GALNT13: variants seen among roughly 807,000 people sequenced by gnomAD.
The protein encoded by GALNT13 is UDP-GalNAc:polypeptide N-acetylgalactosaminyltransferase 13.
A neutral mutation model predicts 64.2 loss-of-function variants in GALNT13; 28 were observed. The observed-to-expected ratio is 0.44, with a 90% CI of 0.32 to 0.60. The LOEUF (loss-of-function observed/expected upper bound fraction) is 0.60, where lower values mean the gene tolerates loss of function less well. GALNT13 is among the 20% of genes least tolerant of loss of function. The pLI is 0.05. For missense variants in GALNT13, 577 were observed against 669.8 expected (o/e 0.86, Z 1.53); for synonymous variants, 214 against 224.6 (o/e 0.95, Z 0.42).
At chr2:153,655,482 G>A in the GALNT13 span, among the ~76,000 whole-genome samples, 58 of 152,056 alleles carry the variant, frequency 3.8e-4, 1 homozygote, top group Non-Finnish European at 7.2e-4. Flanking sequence ...TAAAATGAGA[G>A]ATACATGTAT....
At chr2:153,276,706 C>G in the GALNT13 span, among the ~76,000 whole-genome samples, 2 of 7,136 alleles carry the variant, frequency 2.8e-4, no homozygotes, top group South Asian at 2.8e-3. Context: ...ATTGAATATC[C>G]CCCTCTTATA....
chr2:153,595,909 A>C, the GALNT13 span, among the ~76,000 whole-genome samples: 24 of 152,328 alleles, frequency 1.6e-4, no homozygotes, highest in Middle Eastern at 3.4e-3. Context: ...AAGTGGTATA[A>C]ATATTTAATG....
chr2:153,249,555 G>C, the GALNT13 span, among the ~76,000 whole-genome samples: 1 of 152,052 alleles, frequency 6.6e-6, no homozygotes, highest in Non-Finnish European at 1.5e-5. Context: ...CCAAAAAAGA[G>C]CCCATATAAC....
At chr2:154,350,333 G>A (rs1004852134) in intron 9 of GALNT13, among the ~76,000 whole-genome samples, 1 of 152,206 alleles carries the variant, frequency 6.6e-6, no homozygotes, top group Non-Finnish European at 1.5e-5. Context: ...AAAGCAGGCA[G>A]AAGAACGTGG....
At chr2:153,599,840 A>G in the GALNT13 span, among the ~76,000 whole-genome samples, 1 of 151,994 alleles carries the variant, frequency 6.6e-6, no homozygotes, top group South Asian at 2.1e-4. Flanking sequence ...CATAAATCAC[A>G]TGTAAATAAA....
At chr2:153,527,671 TAG>T in the GALNT13 span, among the ~76,000 whole-genome samples, 1 of 152,206 alleles carries the variant, frequency 6.6e-6, no homozygotes, top group African/African-American at 2.4e-5. Flanking sequence ...CTACCCTAAG[TAG>T]AAAGACTAAA....
At chr2:153,234,226 G>A in the GALNT13 span, among the ~76,000 whole-genome samples, 17 of 152,278 alleles carry the variant, frequency 1.1e-4, no homozygotes, top group East Asian at 3.1e-3. Flanking sequence ...CTGAAGCCCA[G>A]CCCAGGAGAT....
intron 9 of GALNT13, among the ~76,000 whole-genome samples, chr2:154,339,504 A>G (rs1695636555): frequency 6.6e-6 from 1 of 152,168 alleles, no homozygotes; most frequent in Admixed American, 6.6e-5. Flanking sequence ...TATTTGAAGT[A>G]TACTCGTTAT....
the GALNT13 span, chr2:153,477,985 C>G: frequency 0.42 from 219,051 of 521,670 alleles, 50,692 homozygotes; most frequent in Non-Finnish European, 0.5. Flanking sequence ...TTCCAAAGTT[C>G]TGCGCCCTAA....
the GALNT13 span, among the ~76,000 whole-genome samples, chr2:153,603,672 G>A: frequency 2.5e-3 from 387 of 152,040 alleles, 8 homozygotes; most frequent in Admixed American, 0.023. Context: ...AGAGGAATGT[G>A]TCTTTTGTTA....
At chr2:153,753,798 G>T in the GALNT13 span, among the ~76,000 whole-genome samples, 2 of 152,292 alleles carry the variant, frequency 1.3e-5, no homozygotes, top group South Asian at 2.1e-4. Flanking sequence ...TCCCTTTAGG[G>T]CTGTGAGGTC....
chr2:153,546,798 G>T, the GALNT13 span, among the ~76,000 whole-genome samples: 1 of 152,128 alleles, frequency 6.6e-6, no homozygotes, highest in South Asian at 2.1e-4. Flanking sequence ...TATTAAAGAA[G>T]TACTGAAGGT....
chr2:154,264,010 A>G (rs1690844058), intron 8 of GALNT13, among the ~76,000 whole-genome samples: 1 of 152,234 alleles, frequency 6.6e-6, no homozygotes, highest in Non-Finnish European at 1.5e-5. Flanking sequence ...AGATACTGAC[A>G]GACTCCATGA....
the GALNT13 span, among the ~76,000 whole-genome samples, chr2:153,378,665 G>A: frequency 5.3e-5 from 8 of 152,114 alleles, no homozygotes; most frequent in Non-Finnish European, 1.0e-4. Context: ...TCCTACTGGT[G>A]AATTTACTTT....
chr2:153,474,320 C>T, the GALNT13 span, among the ~76,000 whole-genome samples: 1 of 152,288 alleles, frequency 6.6e-6, no homozygotes, highest in African/African-American at 2.4e-5. Context: ...GTGACCAGAA[C>T]CAAAATTTCT....
the GALNT13 span, among the ~76,000 whole-genome samples, chr2:153,393,016 T>A: frequency 1.3e-5 from 2 of 152,002 alleles, no homozygotes; most frequent in Non-Finnish European, 2.9e-5. Context: ...GGCACCTTGA[T>A]CTTGGACTTC....
intron 4 of GALNT13, among the ~76,000 whole-genome samples, chr2:154,146,234 G>A (rs555721681): frequency 6.6e-6 from 1 of 151,450 alleles, no homozygotes; most frequent in East Asian, 1.9e-4. Flanking sequence ...ATTATCATTT[G>A]GGGGATAATA....
the GALNT13 span, among the ~76,000 whole-genome samples, chr2:153,389,381 T>C: frequency 6.6e-6 from 1 of 152,004 alleles, no homozygotes; most frequent in Non-Finnish European, 1.5e-5. Flanking sequence ...AGCAGGGAAG[T>C]GGAGCTGGGG....
the GALNT13 span, among the ~76,000 whole-genome samples, chr2:153,607,182 T>G: frequency 2.2e-3 from 330 of 151,954 alleles, 3 homozygotes; most frequent in Non-Finnish European, 2.9e-3. Context: ...TGATACATCG[T>G]ATGTAGATGC....
Sources: gnomAD v4.1 joint callset for allele counts (sites outside exome capture counted in the v4.1 genomes callset) on GRCh38, gnomAD v4.1.1 for gene constraint, MANE v1.5 for transcripts, NCBI Gene and HGNC (gene_info 2026-07-23, HGNC 2026-07-21) for gene names.